Variants in XKR6 observed in about 807,000 individuals in gnomAD.
XKR6 encodes the protein XK related 6, also known as XK-related protein 6.
In XKR6, 22 loss-of-function variants were observed where a neutral mutation model predicts 56.7. The observed-to-expected ratio is 0.39, with a 90% CI of 0.28 to 0.55. The LOEUF is 0.55. Among genes scored for constraint, XKR6 ranks in the 20% least tolerant of loss-of-function variants. The pLI, the probability that XKR6 is intolerant of heterozygous loss-of-function variation, is 0.66. For synonymous variants in XKR6, 524 were observed against 387.8 expected (o/e 1.35, Z -4.13); for missense variants, 852 against 889.0 (o/e 0.96, Z 0.53).
At chr8:10,991,183 C>G (rs780518561) in intron 1 of XKR6, among the ~76,000 whole-genome samples, 2 of 152,088 alleles carry the variant, frequency 1.3e-5, no homozygotes, top group Non-Finnish European at 2.9e-5. Flanking sequence ...GGATTACAGG[C>G]GTGAGCCACC....
intron 1 of XKR6, chr8:11,137,609 C>T (rs1362325398): frequency 1.1e-5 from 5 of 456,200 alleles, no homozygotes; most frequent in South Asian, 6.2e-5. Flanking sequence ...CTCTTCTACA[C>T]CAAATGAACT....
At chr8:10,951,950 C>T (rs148903670) in intron 1 of XKR6, among the ~76,000 whole-genome samples, 2,050 of 152,272 alleles carry the variant, frequency 0.013, 50 homozygotes, top group African/African-American at 0.045. Flanking sequence ...GAGGCCACAG[C>T]CAGCCCCCTG....
chr8:10,977,883 C>T lies in XKR6; in HGVS notation c.765-53053G>A, dbSNP rs78259767. Among the ~76,000 whole-genome samples, 135 of 152,096 alleles carry T rather than the reference C, an allele frequency of 8.9e-4. 1 individual carries two copies. The East Asian group carries it at 0.025, about 28-fold the overall frequency. On this transcript the variant is annotated intron_variant, in intron 1 of 2. Transcript: ENST00000416569. ...TAATTTTTGAAAAAGTGTGGACCCTCAATAAATGGCAGCCGTTATCTTGGC... is the reference window on the plus strand; with the variant it reads ...TAATTTTTGAAAAAGTGTGGACCCTTAATAAATGGCAGCCGTTATCTTGGC...
chr8:11,037,696 A>G (rs775038295), intron 1 of XKR6, among the ~76,000 whole-genome samples: 1 of 152,188 alleles, frequency 6.6e-6, no homozygotes, highest in South Asian at 2.1e-4. Flanking sequence ...TGTCACTACT[A>G]AAAATACAAA....
intron 1 of XKR6, among the ~76,000 whole-genome samples, chr8:11,183,083 G>T (rs546934302): frequency 6.6e-6 from 1 of 152,168 alleles, no homozygotes; most frequent in Non-Finnish European, 1.5e-5. Context: ...CTTTGAATGC[G>T]TCTTGTATCC....
intron 1 of XKR6, among the ~76,000 whole-genome samples, chr8:10,966,845 T>C (rs371734297): frequency 2.0e-5 from 3 of 152,142 alleles, no homozygotes; most frequent in Non-Finnish European, 4.4e-5. Context: ...GTCTAAACCT[T>C]GGCCACCTGT....
At chr8:11,054,604 C>T (rs575692035) in intron 1 of XKR6, among the ~76,000 whole-genome samples, 5 of 152,368 alleles carry the variant, frequency 3.3e-5, no homozygotes, top group Admixed American at 1.3e-4. Flanking sequence ...CCCAGCCATG[C>T]TCCGGGAGGG....
At chr8:10,962,462 G>C (rs551589572) in intron 1 of XKR6, among the ~76,000 whole-genome samples, 10 of 152,266 alleles carry the variant, frequency 6.6e-5, no homozygotes, top group African/African-American at 2.4e-5. Flanking sequence ...CTGCAGCCTA[G>C]GGAGGATTTC....
intron 1 of XKR6, among the ~76,000 whole-genome samples, chr8:11,159,279 C>G (rs191301218): frequency 1.7e-3 from 260 of 152,332 alleles, no homozygotes; most frequent in African/African-American, 5.9e-3. Context: ...ACATTATCTT[C>G]AACTTACTTG....
intron 1 of XKR6, among the ~76,000 whole-genome samples, chr8:11,102,855 C>T (rs974867082): frequency 6.6e-6 from 1 of 152,316 alleles, no homozygotes. Flanking sequence ...CATCCTTGGA[C>T]ACTTCCCTTC....
chr8:11,101,643 G>A (rs762554062), intron 1 of XKR6, among the ~76,000 whole-genome samples: 2 of 152,140 alleles, frequency 1.3e-5, no homozygotes, highest in Non-Finnish European at 2.9e-5. Flanking sequence ...CCCCTCCTTG[G>A]TGGAAACTCT....
chr8:11,084,021 G>A (rs1797808281), intron 1 of XKR6, among the ~76,000 whole-genome samples: 1 of 152,170 alleles, frequency 6.6e-6, no homozygotes, highest in African/African-American at 2.4e-5. Context: ...ATCCTAAATG[G>A]GAATCCCTAA....
chr8:10,986,953 A>G (rs528490438), intron 1 of XKR6, among the ~76,000 whole-genome samples: 1 of 150,838 alleles, frequency 6.6e-6, no homozygotes, highest in Non-Finnish European at 1.5e-5. Context: ...TTTTTTTAAC[A>G]TTTAAATAGT....
intron 1 of XKR6, among the ~76,000 whole-genome samples, chr8:11,113,600 C>T (rs1723236978): frequency 6.6e-6 from 1 of 152,158 alleles, no homozygotes; most frequent in Admixed American, 6.5e-5. Flanking sequence ...AGAATCCTTA[C>T]TTTCTAGTCT....
intron 1 of XKR6, among the ~76,000 whole-genome samples, chr8:11,097,284 C>G (rs1798293546): frequency 6.6e-6 from 1 of 152,138 alleles, no homozygotes; most frequent in Non-Finnish European, 1.5e-5. Context: ...TCGTCACACC[C>G]TCCCACTCAC....
At chr8:11,195,252 T>G (rs886668292) in intron 1 of XKR6, 1 of 693,526 alleles carries the variant, frequency 1.4e-6, no homozygotes, top group Non-Finnish European at 2.6e-6. Context: ...ATCACCCTAG[T>G]GTTTTTACAG....
chr8:11,118,847 T>C (rs1250513132), intron 1 of XKR6, among the ~76,000 whole-genome samples: 3 of 152,162 alleles, frequency 2.0e-5, no homozygotes, highest in Non-Finnish European at 2.9e-5. Context: ...TTGCCTTCTG[T>C]TAGCTTTTGA....
chr8:11,107,534 T>A (rs1210471084), intron 1 of XKR6, among the ~76,000 whole-genome samples: 2 of 152,162 alleles, frequency 1.3e-5, no homozygotes, highest in African/African-American at 4.8e-5. Flanking sequence ...CACATTTATA[T>A]CAACCAGCAG....
chr8:11,019,073 G>A (rs953475183), intron 1 of XKR6, among the ~76,000 whole-genome samples: 3 of 152,124 alleles, frequency 2.0e-5, no homozygotes, highest in South Asian at 2.1e-4. Context: ...TGGCACTTTT[G>A]GAGTCCTGTT....
Sources: gnomAD v4.1 joint callset for allele counts (sites outside exome capture counted in the v4.1 genomes callset) on GRCh38, gnomAD v4.1.1 for gene constraint, MANE v1.5 for transcripts, NCBI Gene and HGNC (gene_info 2026-07-23, HGNC 2026-07-21) for gene names.